The following SPECC1L variants were observed in gnomAD, a reference collection of about 807,000 sequenced individuals.
SPECC1L encodes sperm antigen with calponin homology and coiled-coil domains 1 like, also known as cytospin-A.
SPECC1L carries 40 observed loss-of-function variants against 116.8 expected under a neutral mutation model. That is an observed-to-expected ratio of 0.34 (90% CI 0.27 to 0.45). SPECC1L has a LOEUF of 0.45. Among genes scored for constraint, SPECC1L ranks in the 20% least tolerant of loss-of-function variants. SPECC1L has a pLI of 1.00. For missense variants in SPECC1L, 1,110 were observed against 1,373.6 expected, an observed-to-expected ratio of 0.81 and a Z score of 3.03; for synonymous variants, 504 against 500.6, an observed-to-expected ratio of 1.01 and a Z score of -0.09.
intron 14 of SPECC1L, among the ~76,000 whole-genome samples, chr22:24,389,102 A>G (rs748260830): frequency 2.1e-5 from 3 of 140,398 alleles, no homozygotes; most frequent in Non-Finnish European, 3.0e-5. Context: ...ACTCCTTTCT[A>G]TAACTGATTT....
At chr22:24,298,618 C>T (rs1313129736) in intron 2 of SPECC1L, among the ~76,000 whole-genome samples, 1 of 152,198 alleles carries the variant, frequency 6.6e-6, no homozygotes, top group Non-Finnish European at 1.5e-5. Context: ...AAGTTTCTGT[C>T]TGAAATCCAG....
intron 11 of SPECC1L, among the ~76,000 whole-genome samples, chr22:24,350,455 G>A (rs1351057975): frequency 1.3e-5 from 2 of 152,036 alleles, no homozygotes; most frequent in Non-Finnish European, 2.9e-5. Flanking sequence ...AGTGCTTAGC[G>A]CCAATTCTAT....
intron 11 of SPECC1L, among the ~76,000 whole-genome samples, chr22:24,355,410 C>T (rs2041511236): frequency 6.6e-6 from 1 of 151,918 alleles, no homozygotes; most frequent in Non-Finnish European, 1.5e-5. Flanking sequence ...TGTACCAACT[C>T]ATGTGTATAC....
chr22:24,376,303 G>T (rs2041971097), intron 14 of SPECC1L, among the ~76,000 whole-genome samples: 1 of 152,094 alleles, frequency 6.6e-6, no homozygotes, highest in African/African-American at 2.4e-5. Flanking sequence ...TGGGACTACA[G>T]GTGTAGGCCA....
At chr22:24,324,467 T>G (rs1406546108) in intron 6 of SPECC1L, 40 bp downstream of exon 6, 1 of 1,549,976 alleles carries the variant, frequency 6.5e-7, no homozygotes, top group African/African-American at 1.4e-5. Context: ...TGTCCTACTC[T>G]TTTAAACATG....
At chr22:24,354,565 A>T (rs1198665435) in intron 11 of SPECC1L, among the ~76,000 whole-genome samples, 1 of 150,196 alleles carries the variant, frequency 6.7e-6, no homozygotes, top group Non-Finnish European at 1.5e-5. Flanking sequence ...CCTTCCCTCC[A>T]CCCCTGAAGT....
At position 24,322,483 on chromosome 22, in the gene SPECC1L, T is replaced by C. The variant is rs200284284; in HGVS notation, c.1503T>C (p.Asn501=). Residue 501 remains asparagine (N), a synonymous_variant, in exon 5 of 17, where the codon AAT becomes AAC. Transcript: ENST00000314328. ...LEQRYMDLAE[N]ARFEREQLLG... ...AACGTTACATGGACCTCGCTGAGAA[T>C]GCCCGTTTTGAACGGGAGCAGCTTC... 6 of 1,614,190 alleles carry C rather than the reference T, an allele frequency of 3.7e-6. No homozygotes were observed. The highest frequency in any genetic ancestry group is 4.2e-6 in the Non-Finnish European group (5 of 1,180,038).
In SPECC1L at chr22:24,412,720, C is replaced by A. The variant is rs200177518; in HGVS notation, c.3264+13C>A. ...CAAATCCACACTGGTGAGCCCTTGT[C>A]CCCCTGAGTCACTGGCAGGGCCCTC... On this transcript the variant is annotated intron_variant, in intron 16 of 16. Coordinates refer to ENST00000314328, the MANE Select transcript of SPECC1L (RefSeq NM_015330.6). 65 of 1,613,656 alleles carry A rather than the reference C, an allele frequency of 4.0e-5. No individual in the cohort carries two copies. The highest frequency in any genetic ancestry group is 5.3e-5 in the Non-Finnish European group (63 of 1,179,860).
chr22:24,378,834 A>C (rs771990030), intron 14 of SPECC1L, among the ~76,000 whole-genome samples: 2 of 152,168 alleles, frequency 1.3e-5, no homozygotes, highest in Non-Finnish European at 2.9e-5. Flanking sequence ...ATACATCACC[A>C]TAACAGTTAT....
chr22:24,331,829 A>T (rs934940698), intron 8 of SPECC1L, among the ~76,000 whole-genome samples: 7 of 151,578 alleles, frequency 4.6e-5, no homozygotes, highest in African/African-American at 1.5e-4. Flanking sequence ...CACATACTTG[A>T]TTTTTTTTTA....
At chr22:24,399,848 C>G (rs2042438518) in intron 14 of SPECC1L, among the ~76,000 whole-genome samples, 1 of 152,180 alleles carries the variant, frequency 6.6e-6, no homozygotes, top group African/African-American at 2.4e-5. Context: ...GATACCCTGC[C>G]TCCTACCCTT....
chr22:24,403,590 G>T (rs987966996), intron 14 of SPECC1L, among the ~76,000 whole-genome samples: 6 of 152,084 alleles, frequency 3.9e-5, no homozygotes, highest in Non-Finnish European at 8.8e-5. Flanking sequence ...GGACATGAGT[G>T]CAGAGTGGAA....
chr22:24,283,158 A>G (rs2048977875), intron 2 of SPECC1L, among the ~76,000 whole-genome samples: 1 of 151,644 alleles, frequency 6.6e-6, no homozygotes. Flanking sequence ...GGCTCACTGC[A>G]AGCTCCTCTT....
chr22:24,361,822 C>G (rs1303124484), intron 11 of SPECC1L, among the ~76,000 whole-genome samples: 1 of 137,298 alleles, frequency 7.3e-6, no homozygotes, highest in Admixed American at 7.2e-5. Context: ...TCCAAAAAAA[C>G]AAAAAACGAG....
At chr22:24,331,715 C>A (rs761672660) in intron 8 of SPECC1L, among the ~76,000 whole-genome samples, 1 of 152,122 alleles carries the variant, frequency 6.6e-6, no homozygotes, top group Non-Finnish European at 1.5e-5. Context: ...TTGCCCTTTT[C>A]ACTGTGTTGA....
At chr22:24,411,515 C>G (rs2042697636) in intron 14 of SPECC1L, 73 bp from the exon 15 acceptor site, 1 of 1,384,018 alleles carries the variant, frequency 7.2e-7, no homozygotes, top group African/African-American at 1.4e-5. Context: ...CTGAGGCCTC[C>G]TGCGTCCTCC....
At chr22:24,282,129 T>G (rs1484944183) in intron 2 of SPECC1L, among the ~76,000 whole-genome samples, 2 of 152,208 alleles carry the variant, frequency 1.3e-5, no homozygotes, top group African/African-American at 4.8e-5. Flanking sequence ...CAAGATCAGA[T>G]GAGCCAGTTA....
intron 2 of SPECC1L, among the ~76,000 whole-genome samples, chr22:24,288,249 G>GTA (rs1646949204): frequency 6.6e-6 from 1 of 152,104 alleles, no homozygotes; most frequent in Non-Finnish European, 1.5e-5. Flanking sequence ...ATTTTAGGCT[G>GTA]TATAATTCTT....
chr22:24,343,532 C>T (rs1325641598), intron 10 of SPECC1L: 1 of 440,356 alleles, frequency 2.3e-6, no homozygotes, highest in Admixed American at 2.4e-5. Context: ...GTGACCTTGG[C>T]TCACTGCAAC....
Sources: allele counts gnomAD v4.1 joint callset (sites outside exome capture counted in the v4.1 genomes callset), GRCh38; gene constraint gnomAD v4.1.1; transcripts MANE v1.5; gene names NCBI Gene and HGNC (gene_info 2026-07-23, HGNC 2026-07-21).